The following MOCOS variants were observed in gnomAD, a reference collection of about 807,000 sequenced individuals.
MOCOS encodes molybdenum cofactor sulfurase.
A neutral mutation model predicts 83.6 loss-of-function variants in MOCOS; 86 were observed. That is an observed-to-expected ratio of 1.03 (90% confidence interval 0.86 to 1.23). The LOEUF (loss-of-function observed/expected upper bound fraction) is 1.23, where lower values mean the gene tolerates loss of function less well. Among genes scored for constraint, MOCOS ranks in the 50% most tolerant of loss-of-function variants. MOCOS has a pLI of 0.00. For missense variants in MOCOS, 1,120 were observed against 1,126.9 expected (o/e 0.99, Z 0.09); for synonymous variants, 445 against 434.7 (o/e 1.02, Z -0.29).
intron 9 of MOCOS, among the ~76,000 whole-genome samples, chr18:36,246,432 A>G (rs1235479813): frequency 6.6e-6 from 1 of 152,196 alleles, no homozygotes; most frequent in Non-Finnish European, 1.5e-5. Context: ...CTGGGGCTCC[A>G]GGGTGGTGCT....
rs1013636932 is a variant in MOCOS at position 36,269,799 on chromosome 18, C to G, written c.*1114C>G. ...TGTATTTTTCCAGTCACTTCTCCCC[C>G]AAATGTCTGCCTGCTGCAGCCCACT... On this transcript the variant is annotated 3_prime_UTR_variant, in exon 15 of 15. Coordinates refer to ENST00000261326, the MANE Select transcript of MOCOS (RefSeq NM_017947.4). The G allele has an allele frequency of 6.6e-6, 1 of 152,318 alleles. No homozygotes were observed. Among genetic ancestry groups the G allele is most frequent in the Non-Finnish European group, 1.5e-5 (1 of 68,140 alleles). The allele number at this position is 152,318 out of a possible 1,614,324, so 9.4% of individuals were successfully genotyped here.
chr18:36,250,173 A>AT (rs2078840287), intron 10 of MOCOS, among the ~76,000 whole-genome samples: 1 of 152,194 alleles, frequency 6.6e-6, no homozygotes, highest in Admixed American at 6.5e-5. Context: ...AGTTAACTAT[A>AT]TAACACTTCA....
chr18:36,272,116 CTT>C lies in MOCOS; in HGVS notation c.*3432_*3433del, dbSNP rs2144167382. 6.6e-6 allele frequency: 1 copy of C among 152,202 alleles called. No individual in the cohort carries two copies. Among genetic ancestry groups the C allele is most frequent in the Admixed American group, 6.5e-5 (1 of 15,294 alleles). The allele number at this position is 152,202 out of a possible 1,614,324, so 9.4% of individuals were successfully genotyped here. ...TATTATTCTTTATTTTTTTGTATGA[CTT>C]ATGATATTCATGATAATTAAAACGT... On this transcript the variant is annotated 3_prime_UTR_variant, in exon 15 of 15. Coordinates refer to ENST00000261326, the MANE Select transcript of MOCOS (RefSeq NM_017947.4).
chr18:36,191,124 GTGCTTGCTTCGCTTTCCACCAAGAT>G (rs1313987965), intron 1 of MOCOS, among the ~76,000 whole-genome samples: 2 of 151,336 alleles, frequency 1.3e-5, no homozygotes, highest in African/African-American at 4.9e-5. Flanking sequence ...ATATGAAGAT[GTGCTTGCTTCGCTTTCCACCAAGAT>G]TGTAAAGTTT....
chr18:36,214,718 G>A (rs2091469036), intron 7 of MOCOS, among the ~76,000 whole-genome samples: 1 of 152,062 alleles, frequency 6.6e-6, no homozygotes, highest in Admixed American at 6.6e-5. Context: ...AAGAGGGATA[G>A]GACAGAAGGA....
chr18:36,249,127 T>G (rs1387008183), intron 10 of MOCOS, 127 bp downstream of exon 10: 13 of 807,316 alleles, frequency 1.6e-5, no homozygotes, highest in African/African-American at 3.4e-5. Context: ...ATTTCTCCCT[T>G]GCATGCTTCT....
intron 10 of MOCOS, among the ~76,000 whole-genome samples, chr18:36,250,233 A>G (rs1343957305): frequency 6.6e-6 from 1 of 152,246 alleles, no homozygotes; most frequent in Non-Finnish European, 1.5e-5. Context: ...ATTGCCTACC[A>G]GTTAACACAA....
intron 1 of MOCOS, among the ~76,000 whole-genome samples, chr18:36,190,726 G>T (rs1373044028): frequency 6.6e-6 from 1 of 151,928 alleles, no homozygotes; most frequent in African/African-American, 2.4e-5. Context: ...TCCAGTCTGG[G>T]CAACAGAGTG....
intron 14 of MOCOS, among the ~76,000 whole-genome samples, chr18:36,267,888 C>T (rs1228141422): frequency 2.0e-5 from 3 of 152,148 alleles, no homozygotes; most frequent in Non-Finnish European, 4.4e-5. Flanking sequence ...CTGCACTTTT[C>T]ACCCACATTT....
At chr18:36,207,439 T>A (rs147972884) in intron 6 of MOCOS, among the ~76,000 whole-genome samples, 9 of 152,380 alleles carry the variant, frequency 5.9e-5, no homozygotes, top group African/African-American at 1.2e-4. Context: ...TGTTTTTTTT[T>A]ATCCACAACC....
chr18:36,251,538 C>T (rs1409017309), intron 11 of MOCOS, among the ~76,000 whole-genome samples: 1 of 152,132 alleles, frequency 6.6e-6, no homozygotes, highest in East Asian at 1.9e-4. Context: ...CTTAGTCCTG[C>T]ATGTTCAAAA....
At chr18:36,257,162 TGA>T in intron 12 of MOCOS, 89 bp downstream of exon 12, 1 of 1,148,902 alleles carries the variant, frequency 8.7e-7, no homozygotes, top group South Asian at 1.2e-5. Flanking sequence ...CGGAGAGATC[TGA>T]GAGTCATGAA....
intron 10 of MOCOS, among the ~76,000 whole-genome samples, chr18:36,250,805 A>G (rs2091619036): frequency 6.6e-6 from 1 of 152,188 alleles, no homozygotes; most frequent in Non-Finnish European, 1.5e-5. Flanking sequence ...TAGTGAACAA[A>G]TAGGACATAT....
intron 13 of MOCOS, 117 bp downstream of exon 13, chr18:36,260,292 C>T: frequency 7.3e-7 from 1 of 1,363,272 alleles, no homozygotes; most frequent in Non-Finnish European, 1.0e-6. Context: ...CTCTTAACTA[C>T]AAAATCTTGG....
At chr18:36,199,546 C>A in intron 3 of MOCOS, 137 bp from the exon 4 acceptor site, 1 of 1,372,400 alleles carries the variant, frequency 7.3e-7, no homozygotes, top group Non-Finnish European at 1.0e-6. Flanking sequence ...ATTGCCCTCG[C>A]CCTAATTTCG....
At chr18:36,195,778 C>T (rs776970365) in intron 2 of MOCOS, among the ~76,000 whole-genome samples, 3 of 152,240 alleles carry the variant, frequency 2.0e-5, no homozygotes, top group Non-Finnish European at 4.4e-5. Flanking sequence ...TCTTCTTGGA[C>T]ACTGTGATCT....
At chr18:36,242,499 C>G (rs1399630247) in intron 9 of MOCOS, among the ~76,000 whole-genome samples, 1 of 152,240 alleles carries the variant, frequency 6.6e-6, no homozygotes, top group African/African-American at 2.4e-5. Flanking sequence ...TCCAAAGTCT[C>G]TTCCACATTT....
intron 13 of MOCOS, 87 bp downstream of exon 13, chr18:36,260,262 G>A (rs2091658981): frequency 3.2e-6 from 5 of 1,559,708 alleles, no homozygotes; most frequent in Non-Finnish European, 1.8e-6. Flanking sequence ...CTGCAGGTGG[G>A]ACTCCCTCCC....
chr18:36,220,457 C>T (rs554986413), intron 9 of MOCOS, among the ~76,000 whole-genome samples: 36 of 151,936 alleles, frequency 2.4e-4, no homozygotes, highest in South Asian at 1.3e-3. Flanking sequence ...TGCAGTGAAT[C>T]GAGATCATGC....
Sources: gnomAD v4.1 joint callset for allele counts (sites outside exome capture counted in the v4.1 genomes callset) on GRCh38, gnomAD v4.1.1 for gene constraint, MANE v1.5 for transcripts, NCBI Gene and HGNC (gene_info 2026-07-23, HGNC 2026-07-21) for gene names.